Variants in HOXB6 observed in about 807,000 individuals in gnomAD.
HOXB6 encodes the protein homeobox B6, also known as homeobox protein Hox-B6.
Under a neutral mutation model 24.2 loss-of-function variants are expected in HOXB6, and 18 were observed. The ratio of observed to expected loss-of-function variants is 0.74; its 90% CI spans 0.51 to 1.10. HOXB6 has a LOEUF of 1.10. Ranked by LOEUF, HOXB6 falls within the 50% of genes least tolerant of loss-of-function variation. The pLI, the probability that HOXB6 is intolerant of heterozygous loss-of-function variation, is 0.00. For missense variants in HOXB6, 332 were observed against 308.3 expected (o/e 1.08, Z -0.58); for synonymous variants, 159 against 139.1 (o/e 1.14, Z -1.01).
chr17:48,597,582 A>G, intron 3 of HOXB6, 154 bp downstream of exon 3: 1 of 788,090 alleles, frequency 1.3e-6, no homozygotes, highest in Non-Finnish European at 2.1e-6. Context: ...ACAGCGAGAG[A>G]CCCCCGGCCG....
intron 1 of HOXB6, 60 bp downstream of exon 1, chr17:48,604,802 G>A (rs1216603675): frequency 1.3e-5 from 2 of 152,118 alleles, no homozygotes; most frequent in African/African-American, 2.4e-5. Context: ...CTCTCTTTGT[G>A]TAATTCCCAC....
At chr17:48,601,086 T>TA (rs2070451826) in intron 2 of HOXB6, among the ~76,000 whole-genome samples, 1 of 151,970 alleles carries the variant, frequency 6.6e-6, no homozygotes, top group Non-Finnish European at 1.5e-5. Flanking sequence ...CTCTAAGCTA[T>TA]AAAGCCCTCT....
intron 3 of HOXB6, 109 bp downstream of exon 3, chr17:48,597,627 C>T (rs2070339884): frequency 1.7e-6 from 2 of 1,206,466 alleles, no homozygotes; most frequent in Non-Finnish European, 1.2e-6. Flanking sequence ...AACTGAGATG[C>T]CCACCCAGCA....
intron 2 of HOXB6, chr17:48,601,854 T>C (rs2070472630): frequency 4.0e-6 from 1 of 251,574 alleles, no homozygotes; most frequent in Admixed American, 4.8e-5. Context: ...AGCTTCCTCC[T>C]ACGGCTTGAA....
In HOXB6 at chr17:48,598,022, G is replaced by A. The variant is rs1381414559; in HGVS notation, c.129C>T (p.Tyr43=). 1 of 1,597,734 alleles carries A rather than the reference G, an allele frequency of 6.3e-7. No homozygotes were observed. The highest frequency in any genetic ancestry group is 8.5e-7 in the Non-Finnish European group (1 of 1,172,532). ...ADPLRHYPAP[Y]GPGPGQDKGF... is the part of the protein sequence containing the mutation. ...CCTTGTCCTGGCCCGGCCCTGGCCC[G>A]TAGGGCGCGGGGTAATGTCTCAGCG... Residue 43 remains tyrosine, a synonymous_variant, in exon 3 of 4, where the codon TAC becomes TAT. Transcript: ENST00000225648.
intron 2 of HOXB6, chr17:48,601,818 C>T (rs2070471605): frequency 4.7e-6 from 1 of 213,140 alleles, no homozygotes; most frequent in Non-Finnish European, 9.7e-6. Flanking sequence ...GAACGGGGAC[C>T]ACAGCACCTT....
rs369102476 is a variant in HOXB6, at chr17:48,596,171, C to A, written c.*242G>T. The A allele has an allele frequency of 8.7e-6, 6 of 689,200 alleles. No individual in the cohort carries two copies. The East Asian group carries it at 1.7e-4, about 19-fold the overall frequency. 42.7% of individuals were successfully genotyped at this position (689,200 alleles called of 1,614,324 possible). On this transcript the variant is annotated 3_prime_UTR_variant, in exon 4 of 4. Coordinates refer to ENST00000225648, the MANE Select transcript of HOXB6 (RefSeq NM_018952.5). This position sits in a 1 kb window ranked among gnomAD's most constrained non-coding sequence, Gnocchi z 4.8. ...ACCAGGAAGCCTGATCAGGCTGAGGCGAGTTCCTCGGGAAGGAAGGGCGCG... is the reference window on the plus strand; with the variant it reads ...ACCAGGAAGCCTGATCAGGCTGAGGAGAGTTCCTCGGGAAGGAAGGGCGCG...
At position 48,596,411 on chromosome 17, in the gene HOXB6, C is replaced by A; in HGVS notation, c.*2G>T. 6.2e-7 allele frequency: 1 copy of A among 1,614,216 alleles called. No individual in the cohort carries two copies. On this transcript the variant is annotated 3_prime_UTR_variant, in exon 4 of 4. Transcript: ENST00000225648. The surrounding 1 kb of genome is among the most constrained non-coding windows in gnomAD (Gnocchi z 4.8). The stretch of plus-strand genomic sequence containing the variant: ...CGCGTCCTCCCTCCCTTTCCAGCAC[C>A]TTCACTCGGCCTGTTTTTCTTCCTC...
chr17:48,604,792 C>T (rs988701468), intron 1 of HOXB6, 70 bp downstream of exon 1: 21 of 152,108 alleles, frequency 1.4e-4, no homozygotes, highest in Non-Finnish European at 5.9e-5. Context: ...ATTTTTGGTT[C>T]TCTCTTTGTG....
At position 48,597,814 on chromosome 17, in the gene HOXB6, T is replaced by A. The variant is rs1243963671; in HGVS notation, c.337A>T (p.Ser113Cys). Residue 113 changes from serine (S) to cysteine (C), a missense_variant, in exon 3 of 4, where the codon AGC (serine) becomes TGC (cysteine). Ser to Cys is a moderately radical substitution (Grantham distance 112, BLOSUM62 -1). Transcript: ENST00000225648. ...TGCTCTTCTGTCTCGCCGAACACGC[T>A]CTTGTCCTGCGCGCAGTCCGACTTC... ...PRKSDCAQDK[S>C]VFGETEEQKC... The A allele has an allele frequency of 1.2e-6, 2 of 1,608,788 alleles. No individual in the cohort carries two copies. Among genetic ancestry groups the A allele is most frequent in the East Asian group, 4.5e-5 (2 of 44,654 alleles).
chr17:48,596,992 C>T lies in HOXB6; in HGVS notation c.416-320G>A. The T allele has an allele frequency of 8.1e-7, 1 of 1,239,438 alleles. No individual in the cohort carries two copies. The highest frequency in any genetic ancestry group is 1.0e-6 in the Non-Finnish European group (1 of 968,580). The allele number at this position is 1,239,438 out of a possible 1,614,324, so 76.8% of individuals were successfully genotyped here. On this transcript the variant is annotated intron_variant, in intron 3 of 3. Transcript: ENST00000225648. This position sits in a 1 kb window ranked among gnomAD's most constrained non-coding sequence, Gnocchi z 4.8. ...CCCTCCCTTTCCATCCATCTTGTTC[C>T]CACCCCCCGTCATCCCCCCAACCCA...
chr17:48,599,126 T>C (rs1480302160), intron 2 of HOXB6, among the ~76,000 whole-genome samples: 4 of 152,234 alleles, frequency 2.6e-5, no homozygotes, highest in Non-Finnish European at 4.4e-5. Flanking sequence ...CTTGGTGATA[T>C]GGAGTGAAGG....
rs1289345677 is a variant in HOXB6, at chr17:48,596,751, G to A, written c.416-79C>T. 20 of 1,584,736 alleles carry A rather than the reference G, an allele frequency of 1.3e-5. No homozygotes were observed. In the East Asian group the frequency reaches 2.5e-4, roughly 20 times the overall value. On this transcript the variant is annotated intron_variant, in intron 3 of 3. Transcript: ENST00000225648. This position sits in a 1 kb window ranked among gnomAD's most constrained non-coding sequence, Gnocchi z 4.8. ...CTCCCCTAGTCGACCCTCGAACACAGACTCCAGCCAGTACCGGGATGCCCT... is the reference window on the plus strand; with the variant it reads ...CTCCCCTAGTCGACCCTCGAACACAAACTCCAGCCAGTACCGGGATGCCCT...
Position 48,595,804 on chromosome 17 carries a change from TATC to T in HOXB6, c.*606_*608del, listed in dbSNP as rs35307473. 0.052 allele frequency: 9,892 copies of T among 190,502 alleles called. 352 individuals carry two copies. Among genetic ancestry groups the T allele is most frequent in the Middle Eastern group, 0.099 (44 of 446 alleles). The allele number at this position is 190,502 out of a possible 1,614,324, so 11.8% of individuals were successfully genotyped here. A position where few individuals can be genotyped will look rare whatever the true frequency, so the allele number is the denominator to read the frequency against. On this transcript the variant is annotated 3_prime_UTR_variant, in exon 4 of 4. Transcript: ENST00000225648. The stretch of plus-strand genomic sequence containing the variant: ...TTGTTGTTGTTATTATTATTATTAT[TATC>T]ATCATCATCATCATCATCATCATCG...
In HOXB6 at chr17:48,597,957, C is replaced by T. The variant is rs2070357331; in HGVS notation, c.194G>A (p.Gly65Asp). The change falls in exon 3 of 4, where the codon GGC becomes GAC. Residue 65 changes from glycine (G) to aspartate (D), a missense_variant. Transcript: ENST00000225648. ...TSSYYPPAGG[G>D]YGRAAPCDYG... The stretch of plus-strand genomic sequence containing the variant: ...GTCGCAGGGCGCCGCTCGGCCGTAG[C>T]CACCGCCCGCCGGCGGGTAATAGGA... The T allele has an allele frequency of 6.4e-7, 1 of 1,574,270 alleles. No homozygotes were observed. Among genetic ancestry groups the T allele is most frequent in the Non-Finnish European group, 8.6e-7 (1 of 1,160,562 alleles).
intron 1 of HOXB6, 97 bp downstream of exon 1, chr17:48,604,765 A>G (rs2070543785): frequency 6.6e-6 from 1 of 152,134 alleles, no homozygotes; most frequent in Admixed American, 6.5e-5. Flanking sequence ...GAGCAAATTA[A>G]CTTAGGAATC....
chr17:48,603,620 G>C (rs554140051), intron 2 of HOXB6: 39 of 118,812 alleles, frequency 3.3e-4, no homozygotes, highest in African/African-American at 1.2e-3. Context: ...CACACACATG[G>C]CAATTTTTTC....
At position 48,604,476 on chromosome 17, in the gene HOXB6, T is replaced by C. The variant is rs1242456176; in HGVS notation, c.-79+4A>G. The C allele has an allele frequency of 5.4e-5, 8 of 147,128 alleles. No individual in the cohort carries two copies. The highest frequency in any genetic ancestry group is 4.1e-4 in the Admixed American group (6 of 14,798). 9.1% of individuals were successfully genotyped at this position (147,128 alleles called of 1,614,324 possible). ...CAAGAAGAAAATTGTAGAATCTCCC[T>C]TACCTTTGCAGACCTTGGGATTTTT... is the stretch of plus-strand genomic sequence containing the variant. On this transcript the variant is annotated splice_donor_region_variant and intron_variant, in intron 2 of 3. Transcript: ENST00000225648.
Position 48,596,306 on chromosome 17 carries a change from A to C in HOXB6, c.*107T>G. 1.3e-6 allele frequency: 2 copies of C among 1,522,790 alleles called. No homozygotes were observed. The highest frequency in any genetic ancestry group is 1.8e-6 in the Non-Finnish European group (2 of 1,100,826). 94.3% of individuals were successfully genotyped at this position (1,522,790 alleles called of 1,614,324 possible). On this transcript the variant is annotated 3_prime_UTR_variant, in exon 4 of 4. Coordinates refer to ENST00000225648, the MANE Select transcript of HOXB6 (RefSeq NM_018952.5). This position sits in a 1 kb window ranked among gnomAD's most constrained non-coding sequence, Gnocchi z 4.8. ...GCCCCGCCTGTCTGCGCCGGAGAGC[A>C]GGTCTCCTGGCTCCCCCACCCGAGA...
Sources: allele counts gnomAD v4.1 joint callset (sites outside exome capture counted in the v4.1 genomes callset), GRCh38; gene constraint gnomAD v4.1.1; non-coding constraint Gnocchi (gnomAD v3.1); transcripts MANE v1.5; gene names NCBI Gene and HGNC (gene_info 2026-07-23, HGNC 2026-07-21).